Variants in EBF2 observed in about 807,000 individuals in gnomAD.
The protein encoded by EBF2 is transcription factor COE2.
A neutral mutation model predicts 72.8 loss-of-function variants in EBF2; 21 were observed. The ratio of observed to expected loss-of-function variants is 0.29; its 90% CI spans 0.20 to 0.42. The LOEUF (loss-of-function observed/expected upper bound fraction) is 0.42. EBF2 is among the 10% of genes least tolerant of loss of function. The probability of loss-of-function intolerance (pLI) is 1.00; values close to 1 mark genes in which losing one functional copy is unlikely to be tolerated. For synonymous variants in EBF2, 299 were observed against 274.2 expected (o/e 1.09, Z -0.89); for missense variants, 637 against 731.2 (o/e 0.87, Z 1.49).
At chr8:25,899,754 G>A (rs1004647285) in intron 7 of EBF2, among the ~76,000 whole-genome samples, 3 of 152,100 alleles carry the variant, frequency 2.0e-5, no homozygotes, top group Non-Finnish European at 4.4e-5. Flanking sequence ...CTGTGTGTAC[G>A]AGGTGTCTTT....
chr8:25,870,303 G>C (rs146648244), intron 10 of EBF2, among the ~76,000 whole-genome samples: 3 of 151,774 alleles, frequency 2.0e-5, no homozygotes. Context: ...GATTTTCGTA[G>C]AGAAAACAGG....
intron 6 of EBF2, among the ~76,000 whole-genome samples, chr8:25,912,962 G>T (rs1267280921): frequency 6.6e-6 from 1 of 152,138 alleles, no homozygotes; most frequent in Admixed American, 6.5e-5. Flanking sequence ...TTCCGTGGTG[G>T]GGACAGGAGG....
At chr8:25,934,505 G>T (rs940970062) in intron 6 of EBF2, among the ~76,000 whole-genome samples, 1 of 152,154 alleles carries the variant, frequency 6.6e-6, no homozygotes, top group Non-Finnish European at 1.5e-5. Context: ...GAAGGGAAGA[G>T]AGTTGGAAGC....
intron 15 of EBF2, 117 bp downstream of exon 15, chr8:25,850,477 A>T: frequency 2.4e-6 from 3 of 1,245,456 alleles, no homozygotes; most frequent in Non-Finnish European, 3.2e-6. Context: ...CATGATAAGA[A>T]CAGCAAAGCA....
At chr8:25,955,394 G>A (rs945279933) in intron 6 of EBF2, among the ~76,000 whole-genome samples, 1 of 152,208 alleles carries the variant, frequency 6.6e-6, no homozygotes, top group Non-Finnish European at 1.5e-5. Flanking sequence ...AGAGGAGAGG[G>A]AGAAGCTCCA....
intron 5 of EBF2, among the ~76,000 whole-genome samples, chr8:26,034,496 G>C (rs1805464233): frequency 6.6e-6 from 1 of 152,214 alleles, no homozygotes. Flanking sequence ...TAGGACCTGA[G>C]AGGGGTGCAA....
chr8:26,044,812 C>T lies in EBF2; in HGVS notation c.48G>A (p.Glu16=). 2 of 1,614,222 alleles carry T rather than the reference C, an allele frequency of 1.2e-6. No homozygotes were observed. The highest frequency in any genetic ancestry group is 1.7e-6 in the Non-Finnish European group (2 of 1,180,046). The stretch of plus-strand genomic sequence containing the variant: ...AATCCATCTCCGCGCCCAGCGATTT[C>T]TCTTTCAGAGTTGGTCCTCTTCCTA... ...DTLGRGPTLK[E]KSLGAEMDSV... Residue 16 remains glutamate, a synonymous_variant, in exon 1 of 16, where the codon GAG becomes GAA. Coordinates refer to ENST00000520164, the MANE Select transcript of EBF2 (RefSeq NM_022659.4). This position sits in a 1 kb window ranked among gnomAD's most constrained non-coding sequence, Gnocchi z 4.1.
At chr8:25,854,582 T>C (rs1216698001) in intron 14 of EBF2, among the ~76,000 whole-genome samples, 1 of 152,186 alleles carries the variant, frequency 6.6e-6, no homozygotes, top group East Asian at 1.9e-4. Flanking sequence ...ACACAGAGTG[T>C]GCCATTTTTC....
chr8:25,861,072 T>C lies in EBF2; in HGVS notation c.1319A>G (p.Glu440Gly), dbSNP rs778940001. The part of the protein sequence containing the change: ...YGSQLGVSIS[E>G]STQGNNQGYI... ...ACCTTGATTATTTCCTTGTGTTGAC[T>C]CTGAGATGCTGACCCCAAGCTGGCT... Residue 440 changes from glutamate (E) to glycine (G), a missense_variant, in exon 13 of 16, where the codon GAG (glutamate) becomes GGG (glycine). Glu to Gly is a moderately conservative substitution (Grantham distance 98). Coordinates refer to ENST00000520164, the MANE Select transcript of EBF2 (RefSeq NM_022659.4). 1 of 1,614,182 alleles carries C rather than the reference T, an allele frequency of 6.2e-7. No individual in the cohort carries two copies. The highest frequency in any genetic ancestry group is 8.5e-7 in the Non-Finnish European group (1 of 1,180,016).
rs559314853 is a variant in EBF2 at position 25,919,326 on chromosome 8, C to A, written c.552-10771G>T. ...GTGGTCATGCAAGTTGAGGAAGACT[C>A]CAGAAAGAAAGTAGGAAATGCATGT... On this transcript the variant is annotated intron_variant, in intron 6 of 15. Transcript: ENST00000520164. 3.9e-5 allele frequency among the ~76,000 whole-genome samples: 6 copies of A among 152,128 alleles called. No homozygotes were observed. The South Asian group carries it at 1.2e-3, about 32-fold the overall frequency.
chr8:26,027,096 G>T (rs138471197), intron 6 of EBF2, among the ~76,000 whole-genome samples: 2 of 152,126 alleles, frequency 1.3e-5, no homozygotes, highest in Non-Finnish European at 2.9e-5. Context: ...GGGAGGTAAT[G>T]GTCACCTTGC....
At chr8:25,846,568 C>G (rs1801840750) in intron 15 of EBF2, among the ~76,000 whole-genome samples, 3 of 152,224 alleles carry the variant, frequency 2.0e-5, no homozygotes, top group South Asian at 2.1e-4. Context: ...TGCCTATAGT[C>G]TTAGCTACTC....
At position 25,936,323 on chromosome 8, in the gene EBF2, C is replaced by G. The variant is rs1045079328; in HGVS notation, c.552-27768G>C. 2.6e-5 allele frequency among the ~76,000 whole-genome samples: 4 copies of G among 152,252 alleles called. No individual in the cohort carries two copies. In the East Asian group the frequency reaches 7.7e-4, roughly 29 times the overall value. The stretch of plus-strand genomic sequence containing the variant: ...TTATAAGAAAAGTCCTTAGCACCCC[C>G]GATGCTCCAGGACGTGGGCTGCAGT... On this transcript the variant is annotated intron_variant, in intron 6 of 15. Coordinates refer to ENST00000520164, the MANE Select transcript of EBF2 (RefSeq NM_022659.4).
intron 6 of EBF2, among the ~76,000 whole-genome samples, chr8:25,917,724 C>T (rs894596089): frequency 1.3e-5 from 2 of 152,096 alleles, no homozygotes; most frequent in African/African-American, 2.4e-5. Flanking sequence ...GGGTCCTCAC[C>T]GTCCCATTTC....
chr8:25,882,647 T>C (rs951999001), intron 10 of EBF2, among the ~76,000 whole-genome samples: 2 of 152,226 alleles, frequency 1.3e-5, no homozygotes, highest in Non-Finnish European at 2.9e-5. Context: ...CATTTAGTCC[T>C]CAGCTCTGTA....
At chr8:25,848,485 C>G (rs1801887430) in intron 15 of EBF2, among the ~76,000 whole-genome samples, 2 of 152,122 alleles carry the variant, frequency 1.3e-5, no homozygotes, top group South Asian at 4.1e-4. Context: ...TGGCTCAAAC[C>G]TGACTTCAGT....
At chr8:25,863,535 T>C (rs947713758) in intron 10 of EBF2, among the ~76,000 whole-genome samples, 1 of 152,206 alleles carries the variant, frequency 6.6e-6, no homozygotes, top group Non-Finnish European at 1.5e-5. Context: ...TCTTTCTCCT[T>C]CTTCCCTTTC....
At chr8:25,920,270 C>G (rs920171607) in intron 6 of EBF2, among the ~76,000 whole-genome samples, 1 of 152,162 alleles carries the variant, frequency 6.6e-6, no homozygotes, top group Non-Finnish European at 1.5e-5. Flanking sequence ...AATAGGAGGC[C>G]TGGTTTCTCT....
At chr8:25,874,126 G>T (rs759223142) in intron 10 of EBF2, among the ~76,000 whole-genome samples, 3 of 152,158 alleles carry the variant, frequency 2.0e-5, no homozygotes, top group Non-Finnish European at 2.9e-5. Flanking sequence ...CTAAAAATCA[G>T]ATTCATTTCT....
Sources: gnomAD v4.1 joint callset for allele counts (sites outside exome capture counted in the v4.1 genomes callset) on GRCh38, gnomAD v4.1.1 for gene constraint, Gnocchi (gnomAD v3.1) non-coding constraint, MANE v1.5 for transcripts, NCBI Gene and HGNC (gene_info 2026-07-23, HGNC 2026-07-21) for gene names.